The following IQGAP1 variants were observed in gnomAD, a reference collection of about 807,000 sequenced individuals.
IQGAP1 encodes the protein ras GTPase-activating-like protein IQGAP1.
Under a neutral mutation model 215.6 loss-of-function variants are expected in IQGAP1, and 66 were observed. That is an observed-to-expected ratio of 0.31 (90% CI 0.25 to 0.38). The LOEUF (loss-of-function observed/expected upper bound fraction) is 0.38, where lower values mean the gene tolerates loss of function less well. Among genes scored for constraint, IQGAP1 ranks in the 10% least tolerant of loss-of-function variants. IQGAP1 has a pLI of 1.00. For synonymous variants in IQGAP1, 772 were observed against 728.7 expected (o/e 1.06, Z -0.96); for missense variants, 1,712 against 1,997.1 (o/e 0.86, Z 2.72).
chr15:90,394,413 G>A (rs991830252), intron 2 of IQGAP1, among the ~76,000 whole-genome samples: 2 of 152,130 alleles, frequency 1.3e-5, no homozygotes, highest in African/African-American at 4.8e-5. Context: ...AAAGAAGCCT[G>A]GGAATGTTAT....
At position 90,477,550 on chromosome 15, in the gene IQGAP1, G is replaced by T; in HGVS notation, c.3105-115G>T. The T allele has an allele frequency of 6.4e-6, 5 of 780,516 alleles. No homozygotes were observed. In the South Asian group the frequency reaches 8.4e-5, roughly 13 times the overall value. 48.3% of individuals were successfully genotyped at this position (780,516 alleles called of 1,614,324 possible). ...GCAGCTGCAGGAACATTCTGTGAGTGCTGGGGAATGTTTCGAGAGAAACTG... is the reference window on the plus strand; with the variant it reads ...GCAGCTGCAGGAACATTCTGTGAGTTCTGGGGAATGTTTCGAGAGAAACTG... On this transcript the variant is annotated intron_variant, in intron 25 of 37. Coordinates refer to ENST00000268182, the MANE Select transcript of IQGAP1 (RefSeq NM_003870.4).
chr15:90,466,106 T>G lies in IQGAP1; in HGVS notation c.1867+15T>G. ...AGCACAGAAGTGTATGTATCACCTG[T>G]TTTATTTCTGTTTTGGTGGAGGCTG... On this transcript the variant is annotated intron_variant, in intron 16 of 37. Transcript: ENST00000268182. The G allele has an allele frequency of 1.9e-6, 3 of 1,611,864 alleles. No homozygotes were observed. The highest frequency in any genetic ancestry group is 2.5e-6 in the Non-Finnish European group (3 of 1,177,994).
chr15:90,442,315 G>A (rs1965462677), intron 8 of IQGAP1, among the ~76,000 whole-genome samples: 1 of 151,794 alleles, frequency 6.6e-6, no homozygotes, highest in African/African-American at 2.4e-5. Context: ...AATTAGCCCA[G>A]CGTTGTGTTG....
chr15:90,485,436 G>GT (rs1179759407), intron 30 of IQGAP1, among the ~76,000 whole-genome samples: 3 of 151,882 alleles, frequency 2.0e-5, no homozygotes, highest in Non-Finnish European at 4.4e-5. Flanking sequence ...TTTTGTGTTT[G>GT]TTTGTTTTGT....
At chr15:90,492,441 A>AATTTG in intron 34 of IQGAP1, 104 bp from the exon 35 acceptor site, 1 of 667,920 alleles carries the variant, frequency 1.5e-6, no homozygotes, top group Non-Finnish European at 2.3e-6. Context: ...AAAAAAAAAA[A>AATTTG]GTAGGTAGTC....
chr15:90,407,177 T>C (rs948312716), intron 2 of IQGAP1, among the ~76,000 whole-genome samples: 1 of 152,232 alleles, frequency 6.6e-6, no homozygotes, highest in African/African-American at 2.4e-5. Flanking sequence ...TGTCCATTAG[T>C]TGAGACTTAG....
At chr15:90,443,170 A>C (rs750588171) in intron 8 of IQGAP1, among the ~76,000 whole-genome samples, 8 of 152,182 alleles carry the variant, frequency 5.3e-5, no homozygotes, top group Non-Finnish European at 1.0e-4. Flanking sequence ...TATGTTGCCC[A>C]GGCTGATCTC....
intron 18 of IQGAP1, among the ~76,000 whole-genome samples, chr15:90,469,901 C>T (rs1965882526): frequency 6.6e-6 from 1 of 152,114 alleles, no homozygotes; most frequent in African/African-American, 2.4e-5. Flanking sequence ...TTACCTGGCA[C>T]GTGGTAGGAG....
chr15:90,485,843 G>C (rs556174876), intron 30 of IQGAP1, among the ~76,000 whole-genome samples, 187 bp from the exon 31 acceptor site: 6 of 152,308 alleles, frequency 3.9e-5, no homozygotes, highest in Middle Eastern at 3.4e-3. Flanking sequence ...TCATTCAACA[G>C]AGCCTGGTGT....
intron 2 of IQGAP1, among the ~76,000 whole-genome samples, chr15:90,416,803 T>G (rs1418441635): frequency 6.6e-6 from 1 of 152,190 alleles, no homozygotes; most frequent in East Asian, 1.9e-4. Context: ...GGTCTCGATC[T>G]CCTGACCTCA....
intron 14 of IQGAP1, 41 bp downstream of exon 14, chr15:90,454,593 A>C: frequency 6.6e-7 from 1 of 1,504,096 alleles, no homozygotes; most frequent in Non-Finnish European, 8.9e-7. Context: ...TGTCACCATT[A>C]ATGATGATGT....
intron 3 of IQGAP1, 127 bp from the exon 4 acceptor site, chr15:90,429,462 G>T: frequency 1.6e-6 from 1 of 628,796 alleles, no homozygotes; most frequent in South Asian, 2.2e-5. Context: ...ATTGGAATGT[G>T]AGCATAATGA....
At chr15:90,463,128 T>A (rs1016305704) in intron 15 of IQGAP1, among the ~76,000 whole-genome samples, 2 of 152,226 alleles carry the variant, frequency 1.3e-5, no homozygotes, top group African/African-American at 4.8e-5. Context: ...TATTAATGTT[T>A]CCCTGAAACA....
intron 2 of IQGAP1, among the ~76,000 whole-genome samples, chr15:90,417,516 G>T (rs1288386522): frequency 2.0e-5 from 3 of 152,322 alleles, no homozygotes; most frequent in African/African-American, 7.2e-5. Flanking sequence ...TCAGATGGTT[G>T]TGGATATGTG....
chr15:90,415,956 T>C (rs763449661), intron 2 of IQGAP1, among the ~76,000 whole-genome samples: 1 of 131,686 alleles, frequency 7.6e-6, no homozygotes, highest in Non-Finnish European at 1.6e-5. Context: ...GTTCCCTGAA[T>C]GTGCCATTTG....
intron 5 of IQGAP1, among the ~76,000 whole-genome samples, chr15:90,436,879 A>G (rs982343384): frequency 2.6e-5 from 4 of 152,244 alleles, no homozygotes; most frequent in African/African-American, 7.2e-5. Context: ...TCTACTTTTT[A>G]TATTAGCCAG....
In IQGAP1 at chr15:90,492,669, G is replaced by A. The variant is rs753012596; in HGVS notation, c.4586G>A (p.Ser1529Asn). 1 of 1,613,786 alleles carries A rather than the reference G, an allele frequency of 6.2e-7. No individual in the cohort carries two copies. Among genetic ancestry groups the A allele is most frequent in the African/African-American group, 1.3e-5 (1 of 74,902 alleles). Reference protein sequence around the residue: ...FYGEQVDYYKSYIKTCLDNLA... With the variant: ...FYGEQVDYYKNYIKTCLDNLA... ...GGGGAGCAGGTGGATTACTATAAAA[G>A]CTATATCAAAACCTGCTTGGATAAC... Residue 1529 changes from serine (S) to asparagine (N), a missense_variant, in exon 35 of 38, where the codon AGC becomes AAC. Physicochemically the swap from Ser to Asn is conservative, Grantham distance 46. Around this residue, in one of 2 missense-constraint regions of IQGAP1, gnomAD observed 691 missense variants for 923.0 expected, o/e 0.75. Transcript: ENST00000268182.
intron 2 of IQGAP1, among the ~76,000 whole-genome samples, chr15:90,417,421 C>T (rs1409619390): frequency 1.3e-5 from 2 of 152,160 alleles, no homozygotes; most frequent in African/African-American, 4.8e-5. Flanking sequence ...CAGCTTTCTA[C>T]ATATGGCTAG....
chr15:90,474,277 C>G lies in IQGAP1; in HGVS notation c.2575+144C>G. On this transcript the variant is annotated intron_variant, in intron 22 of 37. Coordinates refer to ENST00000268182, the MANE Select transcript of IQGAP1 (RefSeq NM_003870.4). Reference sequence around the variant, plus strand: ...CCTGTGACATAAGCCCCTTTGCTAACATGTGGCTAGGTGTCTTGTTGGCTT... The same window carrying G: ...CCTGTGACATAAGCCCCTTTGCTAAGATGTGGCTAGGTGTCTTGTTGGCTT... 3.7e-6 allele frequency: 3 copies of G among 809,422 alleles called. No individual in the cohort carries two copies. The South Asian group carries it at 5.3e-5, about 14-fold the overall frequency. 50.1% of individuals were successfully genotyped at this position (809,422 alleles called of 1,614,324 possible). A position where few individuals can be genotyped will look rare whatever the true frequency, so the allele number is the denominator to read the frequency against.
Sources: allele counts gnomAD v4.1 joint callset (sites outside exome capture counted in the v4.1 genomes callset), GRCh38; gene constraint gnomAD v4.1.1; regional missense constraint gnomAD v4.1.1; transcripts MANE v1.5; gene names NCBI Gene and HGNC (gene_info 2026-07-23, HGNC 2026-07-21).